The following PCDHA5 variants were observed in gnomAD, a reference collection of about 807,000 sequenced individuals.
PCDHA5 encodes the protein protocadherin alpha 5.
PCDHA5 carries 43 observed loss-of-function variants against 61.6 expected under a neutral mutation model. That is an observed-to-expected ratio of 0.70 (90% confidence interval 0.55 to 0.90). The LOEUF is 0.90. PCDHA5 is among the 40% of genes least tolerant of loss of function. PCDHA5 has a pLI of 0.00. For synonymous variants in PCDHA5, 627 were observed against 543.9 expected (o/e 1.15, Z -2.13); for missense variants, 1,298 against 1,222.7 (o/e 1.06, Z -0.92).
chr5:140,884,491 C>G, intron 1 of PCDHA5: 1 of 1,614,052 alleles, frequency 6.2e-7, no homozygotes, highest in East Asian at 2.2e-5. Flanking sequence ...CTCTAGTGTG[C>G]TCCAGCGCGG....
rs1328345342 is a variant in PCDHA5, at chr5:140,822,231, G to T, written c.456G>T (p.Pro152=). 8 of 1,614,118 alleles carry T rather than the reference G, an allele frequency of 5.0e-6. No individual in the cohort carries two copies. The highest frequency in any genetic ancestry group is 1.6e-4 in the Middle Eastern group (1 of 6,084). ...CAAGAATGCCAGATTCGCGGTTTCCGCTAGAGGGCGCGTCGGATTTGGATA... is the reference window on the plus strand; with the variant it reads ...CAAGAATGCCAGATTCGCGGTTTCCTCTAGAGGGCGCGTCGGATTTGGATA... ...LESRMPDSRF[P]LEGASDLDIG... is the part of the protein sequence containing the mutation. Residue 152 remains proline (P), a synonymous_variant, in exon 1 of 4, where the codon CCG becomes CCT. Coordinates refer to ENST00000529859, the MANE Select transcript of PCDHA5 (RefSeq NM_018908.3).
intron 1 of PCDHA5, among the ~76,000 whole-genome samples, chr5:140,885,108 T>C (rs986059469): frequency 6.6e-6 from 1 of 152,226 alleles, no homozygotes; most frequent in Non-Finnish European, 1.5e-5. Flanking sequence ...AAATGCTTTT[T>C]TTAAGTGCAC....
intron 1 of PCDHA5, chr5:140,850,375 A>AT (rs2041561857): frequency 6.3e-7 from 1 of 1,597,746 alleles, no homozygotes; most frequent in Non-Finnish European, 8.6e-7. Context: ...GTGGGGCTGT[A>AT]CACGGGCGAG....
chr5:140,834,112 T>C, intron 1 of PCDHA5: 1 of 411,244 alleles, frequency 2.4e-6, no homozygotes. Flanking sequence ...AATTCAGAGT[T>C]TGAAATAAAA....
intron 1 of PCDHA5, chr5:140,828,707 C>T: frequency 6.2e-7 from 1 of 1,614,222 alleles, no homozygotes; most frequent in South Asian, 1.1e-5. Context: ...AGAGGAAGCT[C>T]CTGCACACAA....
intron 1 of PCDHA5, chr5:140,834,806 C>T (rs1160090879): frequency 1.9e-6 from 3 of 1,612,728 alleles, no homozygotes; most frequent in African/African-American, 1.3e-5. Flanking sequence ...GGAATCTGTT[C>T]ATCGCGGAAT....
chr5:140,888,355 T>C (rs1192266455), intron 1 of PCDHA5, among the ~76,000 whole-genome samples: 1 of 152,214 alleles, frequency 6.6e-6, no homozygotes, highest in Non-Finnish European at 1.5e-5. Context: ...GAATTGCTAC[T>C]GGCATCTAAT....
chr5:140,851,439 G>C (rs2042060539), intron 1 of PCDHA5: 1 of 927,140 alleles, frequency 1.1e-6, no homozygotes, highest in African/African-American at 1.8e-5. Flanking sequence ...GAAAACAGTT[G>C]CTCCACTTTA....
At position 140,875,707 on chromosome 5, in the gene PCDHA5, C is replaced by G. The variant is rs782640816; in HGVS notation, c.2352+51580C>G. ...ACACGGGGACCTTCTGGAGGTAAAT[C>G]TGCAGAATGGCATTTTGTTTGTGAA... On this transcript the variant is annotated intron_variant, in intron 1 of 3. Transcript: ENST00000529859. The G allele has an allele frequency of 6.2e-6, 10 of 1,614,048 alleles. No homozygotes were observed. In the South Asian group the frequency reaches 6.6e-5, roughly 11 times the overall value.
At chr5:140,894,841 T>C in intron 1 of PCDHA5, among the ~76,000 whole-genome samples, 1 of 152,184 alleles carries the variant, frequency 6.6e-6, no homozygotes, top group East Asian at 1.9e-4. Context: ...TTTCTTATGC[T>C]CATTTTTATA....
rs782631166 is a variant in PCDHA5, at chr5:140,857,398, C to T, written c.2352+33271C>T. 1.3e-5 allele frequency: 21 copies of T among 1,598,542 alleles called. 2 individuals are homozygous for T. Among genetic ancestry groups the T allele is most frequent in the African/African-American group, 2.7e-5 (2 of 74,494 alleles). ...TGGAGGTGGCCGACGTGAACGACAA[C>T]GCGCCTGCGTTCGCGCAGTCCGAGT... On this transcript the variant is annotated intron_variant, in intron 1 of 3. Coordinates refer to ENST00000529859, the MANE Select transcript of PCDHA5 (RefSeq NM_018908.3).
chr5:140,967,520 G>A, intron 1 of PCDHA5: 1 of 1,612,918 alleles, frequency 6.2e-7, no homozygotes, highest in East Asian at 2.2e-5. Context: ...GGACACTAAC[G>A]ACAACTCTCC....
At chr5:140,918,302 G>A (rs1382712359) in intron 1 of PCDHA5, among the ~76,000 whole-genome samples, 1 of 152,048 alleles carries the variant, frequency 6.6e-6, no homozygotes, top group African/African-American at 2.4e-5. Context: ...GAGAATATAG[G>A]GTTTTCTAGG....
At position 140,823,498 on chromosome 5, in the gene PCDHA5, G is replaced by T. The variant is rs2150126426; in HGVS notation, c.1723G>T (p.Ala575Ser). Residue 575 changes from alanine to serine, a missense_variant, in exon 1 of 4, where the codon GCA (alanine) becomes TCA (serine). Ala to Ser is a moderately conservative substitution (Grantham distance 99). Transcript: ENST00000529859. ...LVPRVGGTGG[A>S]VSELVPRSVG... is the part of the protein sequence containing the mutation. ...GCCTCGAGTGGGTGGCACCGGCGGC[G>T]CAGTGAGCGAGCTGGTGCCGAGGTC... 1.2e-6 allele frequency: 2 copies of T among 1,613,304 alleles called. No homozygotes were observed. The highest frequency in any genetic ancestry group is 1.7e-5 in the Admixed American group (1 of 59,994).
chr5:140,981,864 T>C (rs1554243477), intron 2 of PCDHA5, among the ~76,000 whole-genome samples: 3 of 152,294 alleles, frequency 2.0e-5, no homozygotes, highest in African/African-American at 7.2e-5. Context: ...CCCAGCAATG[T>C]TTTATGCTGA....
chr5:140,984,659 C>G (rs560265457), intron 3 of PCDHA5, among the ~76,000 whole-genome samples: 4 of 152,246 alleles, frequency 2.6e-5, no homozygotes, highest in African/African-American at 9.6e-5. Flanking sequence ...CCTTCTGGTA[C>G]TTTTAGGTTT....
chr5:140,969,631 G>C (rs1554231956), intron 1 of PCDHA5: 1 of 227,796 alleles, frequency 4.4e-6, no homozygotes, highest in Non-Finnish European at 7.3e-6. Flanking sequence ...AAACAGGACA[G>C]GCCTTGGAAT....
At chr5:140,898,712 T>C (rs1219344656) in intron 1 of PCDHA5, among the ~76,000 whole-genome samples, 2 of 152,206 alleles carry the variant, frequency 1.3e-5, no homozygotes, top group African/African-American at 4.8e-5. Flanking sequence ...AGTAGTTTTT[T>C]CCAATTCTGT....
chr5:140,902,996 A>G (rs2069931370), intron 1 of PCDHA5, among the ~76,000 whole-genome samples: 1 of 152,126 alleles, frequency 6.6e-6, no homozygotes, highest in Admixed American at 6.6e-5. Context: ...TATTTTTGCA[A>G]TTGTGAATTG....
Sources: allele counts gnomAD v4.1 joint callset (sites outside exome capture counted in the v4.1 genomes callset), GRCh38; gene constraint gnomAD v4.1.1; transcripts MANE v1.5; gene names NCBI Gene and HGNC (gene_info 2026-07-23, HGNC 2026-07-21).